Variants in FUT9 observed in about 807,000 individuals in gnomAD.
FUT9 encodes 4-galactosyl-N-acetylglucosaminide 3-alpha-L-fucosyltransferase 9.
In FUT9, 15 loss-of-function variants were observed where a neutral mutation model predicts 29.7. That is an observed-to-expected ratio of 0.51 (90% CI 0.34 to 0.78). FUT9 has a LOEUF of 0.78. Ranked by LOEUF, FUT9 falls within the 30% of genes least tolerant of loss-of-function variation. FUT9 has a pLI of 0.01. For synonymous variants in FUT9, 169 were observed against 153.7 expected, an observed-to-expected ratio of 1.10 and a Z score of -0.74; for missense variants, 319 against 425.4, an observed-to-expected ratio of 0.75 and a Z score of 2.20.
chr6:96,070,922 A>G (rs1373643683), intron 1 of FUT9, among the ~76,000 whole-genome samples: 1 of 152,190 alleles, frequency 6.6e-6, no homozygotes, highest in Non-Finnish European at 1.5e-5. Flanking sequence ...ACATTGAAGC[A>G]TATGTAAGTA....
Position 96,208,958 on chromosome 6 carries a change from C to G in FUT9, c.*4723C>G, listed in dbSNP as rs1231681133. 1 of 166,486 alleles carries G rather than the reference C, an allele frequency of 6.0e-6. No individual in the cohort carries two copies. The highest frequency in any genetic ancestry group is 6.6e-5 in the Admixed American group (1 of 15,192). 10.3% of individuals were successfully genotyped at this position (166,486 alleles called of 1,614,324 possible). A position where few individuals can be genotyped will look rare whatever the true frequency, so the allele number is the denominator to read the frequency against. On this transcript the variant is annotated 3_prime_UTR_variant, in exon 3 of 3. Coordinates refer to ENST00000302103, the MANE Select transcript of FUT9 (RefSeq NM_006581.4). The stretch of plus-strand genomic sequence containing the variant: ...TTGTAGCATTTTGCAAATGGGTATG[C>G]TTCACTACTATCCACAGTGTTCTCC...
At chr6:96,128,658 C>T (rs953637711) in intron 2 of FUT9, among the ~76,000 whole-genome samples, 2 of 152,078 alleles carry the variant, frequency 1.3e-5, no homozygotes, top group Non-Finnish European at 2.9e-5. Flanking sequence ...GTATGCACCA[C>T]TAAGAAGCCT....
intron 1 of FUT9, among the ~76,000 whole-genome samples, chr6:96,027,221 G>T (rs1170141355): frequency 1.3e-5 from 2 of 151,534 alleles, no homozygotes; most frequent in East Asian, 3.9e-4. Context: ...ACATTGAAGA[G>T]AGCCTCACAA....
chr6:96,103,286 C>T (rs966986632), intron 1 of FUT9, among the ~76,000 whole-genome samples: 1 of 152,040 alleles, frequency 6.6e-6, no homozygotes, highest in Non-Finnish European at 1.5e-5. Context: ...CCTCTTTGTC[C>T]TAAATTTCCA....
In FUT9 at chr6:96,213,151, A is replaced by G. The variant is rs897236121; in HGVS notation, c.*8916A>G. 1.2e-5 allele frequency: 2 copies of G among 166,846 alleles called. No homozygotes were observed. Among genetic ancestry groups the G allele is most frequent in the African/African-American group, 4.8e-5 (2 of 41,416 alleles). The allele number at this position is 166,846 out of a possible 1,614,324, so 10.3% of individuals were successfully genotyped here. On this transcript the variant is annotated 3_prime_UTR_variant, in exon 3 of 3. Transcript: ENST00000302103. ...GGCCATGTCACTACAAGGGGTGGGGAAGAAGTTAATGTGTAATTGCTTCAG... is the reference window on the plus strand; with the variant it reads ...GGCCATGTCACTACAAGGGGTGGGGGAGAAGTTAATGTGTAATTGCTTCAG...
At chr6:96,052,189 T>C (rs1438109685) in intron 1 of FUT9, among the ~76,000 whole-genome samples, 1 of 152,242 alleles carries the variant, frequency 6.6e-6, no homozygotes, top group African/African-American at 2.4e-5. Flanking sequence ...TCATGAGAAC[T>C]CACTCACTAT....
In FUT9 at chr6:96,213,710, C is replaced by T. The variant is rs1773982485; in HGVS notation, c.*9475C>T. The T allele has an allele frequency of 6.0e-6, 1 of 166,544 alleles. No homozygotes were observed. Among genetic ancestry groups the T allele is most frequent in the Admixed American group, 6.6e-5 (1 of 15,224 alleles). 10.3% of individuals were successfully genotyped at this position (166,544 alleles called of 1,614,324 possible). On this transcript the variant is annotated 3_prime_UTR_variant, in exon 3 of 3. Transcript: ENST00000302103. Reference sequence around the variant, plus strand: ...ATCTGGATTTTTATAGATAAAATCACATGTTGATCAGAAATCATTTTTCTA... The same window carrying T: ...ATCTGGATTTTTATAGATAAAATCATATGTTGATCAGAAATCATTTTTCTA...
chr6:96,153,481 C>A (rs1772720757), intron 2 of FUT9, among the ~76,000 whole-genome samples: 1 of 152,138 alleles, frequency 6.6e-6, no homozygotes, highest in Non-Finnish European at 1.5e-5. Context: ...GAAAAAGTTA[C>A]AAATACTTTT....
chr6:96,133,938 A>G (rs1270711841), intron 2 of FUT9, among the ~76,000 whole-genome samples: 1 of 151,852 alleles, frequency 6.6e-6, no homozygotes, highest in Non-Finnish European at 1.5e-5. Context: ...GGATGTTAAT[A>G]GTTAAGGTAA....
chr6:96,016,313 C>T lies in FUT9; in HGVS notation c.-98+101C>T, dbSNP rs561988126. ...ACCCCAAACCAGCTGCTGTGATTCC[C>T]CGTCCTCCAGGCAGAGGGTCCAGGG... is the stretch of plus-strand genomic sequence containing the variant. On this transcript the variant is annotated intron_variant, in intron 1 of 2. Coordinates refer to ENST00000302103, the MANE Select transcript of FUT9 (RefSeq NM_006581.4). 7.0e-3 allele frequency: 1,060 copies of T among 152,510 alleles called. 7 individuals are homozygous for T. The highest frequency in any genetic ancestry group is 0.02 in the Middle Eastern group (6 of 296). The allele number at this position is 152,510 out of a possible 1,614,324, so 9.4% of individuals were successfully genotyped here.
At chr6:96,197,284 A>G (rs974929959) in intron 2 of FUT9, among the ~76,000 whole-genome samples, 1 of 152,200 alleles carries the variant, frequency 6.6e-6, no homozygotes, top group Non-Finnish European at 1.5e-5. Context: ...GCTGGTGATC[A>G]AAATTGGTGT....
In FUT9 at chr6:96,210,657, C is replaced by T. The variant is rs1285196212; in HGVS notation, c.*6422C>T. 1.8e-5 allele frequency: 3 copies of T among 166,926 alleles called. No homozygotes were observed. The highest frequency in any genetic ancestry group is 2.1e-4 in the South Asian group (1 of 4,818). The allele number at this position is 166,926 out of a possible 1,614,324, so 10.3% of individuals were successfully genotyped here. ...CTAACTGCATGTTTATATTTTGCAACAGGAAAGACTGGTCTAGACAATTAC... is the reference window on the plus strand; with the variant it reads ...CTAACTGCATGTTTATATTTTGCAATAGGAAAGACTGGTCTAGACAATTAC... On this transcript the variant is annotated 3_prime_UTR_variant, in exon 3 of 3. Coordinates refer to ENST00000302103, the MANE Select transcript of FUT9 (RefSeq NM_006581.4).
At chr6:96,017,287 C>T (rs1290027049) in intron 1 of FUT9, among the ~76,000 whole-genome samples, 1 of 152,216 alleles carries the variant, frequency 6.6e-6, no homozygotes, top group Non-Finnish European at 1.5e-5. Context: ...CAAGAAGCTC[C>T]TGCACTATTT....
At chr6:96,016,720 A>G (rs1283216986) in intron 1 of FUT9, among the ~76,000 whole-genome samples, 2 of 152,014 alleles carry the variant, frequency 1.3e-5, no homozygotes, top group Non-Finnish European at 2.9e-5. Context: ...AATGGTCCTT[A>G]GTGAATTCTG....
intron 1 of FUT9, among the ~76,000 whole-genome samples, chr6:96,086,434 C>T (rs904019572): frequency 6.6e-6 from 1 of 152,024 alleles, no homozygotes; most frequent in Non-Finnish European, 1.5e-5. Flanking sequence ...TGTCTTTTAC[C>T]AGAAATTCTT....
chr6:96,080,271 G>A (rs1053190259), intron 1 of FUT9, among the ~76,000 whole-genome samples: 8 of 151,876 alleles, frequency 5.3e-5, no homozygotes, highest in Non-Finnish European at 1.2e-4. Context: ...ATGGTTATTT[G>A]TAAGAGGATA....
chr6:96,091,220 C>T (rs1214807528), intron 1 of FUT9, among the ~76,000 whole-genome samples: 4 of 151,970 alleles, frequency 2.6e-5, no homozygotes, highest in South Asian at 2.1e-4. Flanking sequence ...TAGTTCAAAG[C>T]GTTATTTACG....
At chr6:96,190,456 C>T (rs1773484314) in intron 2 of FUT9, among the ~76,000 whole-genome samples, 1 of 152,106 alleles carries the variant, frequency 6.6e-6, no homozygotes, top group African/African-American at 2.4e-5. Flanking sequence ...GTTGGCCTGC[C>T]TTGCTAGGTT....
At chr6:96,080,555 T>G (rs1205468738) in intron 1 of FUT9, among the ~76,000 whole-genome samples, 1 of 151,980 alleles carries the variant, frequency 6.6e-6, no homozygotes, top group Admixed American at 6.6e-5. Context: ...TTGGGAAAAT[T>G]ATGATAAAAA....
Sources: allele counts gnomAD v4.1 joint callset (sites outside exome capture counted in the v4.1 genomes callset), GRCh38; gene constraint gnomAD v4.1.1; transcripts MANE v1.5; gene names NCBI Gene and HGNC (gene_info 2026-07-23, HGNC 2026-07-21).